The following TMCC1 variants were observed in gnomAD, a reference collection of about 807,000 sequenced individuals.
TMCC1 encodes transmembrane and coiled-coil domains protein 1.
A neutral mutation model predicts 52.4 loss-of-function variants in TMCC1; 15 were observed. The ratio of observed to expected loss-of-function variants is 0.29; its 90% confidence interval spans 0.19 to 0.44. The LOEUF (loss-of-function observed/expected upper bound fraction) is 0.44. Among genes scored for constraint, TMCC1 ranks in the 20% least tolerant of loss-of-function variants. TMCC1 has a pLI of 1.00. For synonymous variants in TMCC1, 279 were observed against 301.9 expected (o/e 0.92, Z 0.79); for missense variants, 503 against 806.0 (o/e 0.62, Z 4.55).
chr3:129,658,934 A>T (rs2086842223), intron 5 of TMCC1, among the ~76,000 whole-genome samples: 1 of 152,052 alleles, frequency 6.6e-6, no homozygotes, highest in African/African-American at 2.4e-5. Context: ...AGAAAATGAG[A>T]CCCTGCTACC....
At chr3:129,670,284 G>A (rs2087811796) in intron 5 of TMCC1, 46 bp downstream of exon 5, 10 of 1,564,970 alleles carry the variant, frequency 6.4e-6, no homozygotes, top group African/African-American at 1.4e-5. Flanking sequence ...TAAAGGGAGG[G>A]GAACCCTACA....
chr3:129,712,908 G>A (rs2048809711), intron 4 of TMCC1, among the ~76,000 whole-genome samples: 1 of 152,108 alleles, frequency 6.6e-6, no homozygotes, highest in Admixed American at 6.6e-5. Flanking sequence ...ATCTAATTGT[G>A]TAGGACTGAA....
intron 4 of TMCC1, among the ~76,000 whole-genome samples, chr3:129,758,378 T>G (rs1407442987): frequency 6.6e-6 from 1 of 152,216 alleles, no homozygotes; most frequent in African/African-American, 2.4e-5. Context: ...TAATTACAGA[T>G]GTGCGCATAT....
At chr3:129,787,864 C>T (rs2056150783) in intron 4 of TMCC1, among the ~76,000 whole-genome samples, 1 of 152,088 alleles carries the variant, frequency 6.6e-6, no homozygotes, top group Non-Finnish European at 1.5e-5. Flanking sequence ...AGCTACTAAA[C>T]TTTAAGAAAA....
rs1364211850 is a variant in TMCC1, at chr3:129,827,652, A to AT, written c.576+150dup. The AT allele has an allele frequency of 1.5e-5, 12 of 806,490 alleles. No individual in the cohort carries two copies. In the Admixed American group the frequency reaches 2.9e-4, roughly 20 times the overall value. The allele number at this position is 806,490 out of a possible 1,614,324, so 50.0% of individuals were successfully genotyped here. On this transcript the variant is annotated intron_variant, in intron 4 of 6. Coordinates refer to ENST00000393238, the MANE Select transcript of TMCC1 (RefSeq NM_001017395.5). ...AAGCATTCATTCATTAGCTATAATT[A>AT]TTATTTACCCATTTGAAAAGGGGAA...
rs1365070413 is a variant in TMCC1 at position 129,651,352 on chromosome 3, T to C, written c.*129A>G. 3 of 1,067,044 alleles carry C rather than the reference T, an allele frequency of 2.8e-6. No homozygotes were observed. Among genetic ancestry groups the C allele is most frequent in the East Asian group, 2.4e-5 (1 of 41,648 alleles). 66.1% of individuals were successfully genotyped at this position (1,067,044 alleles called of 1,614,324 possible). The stretch of plus-strand genomic sequence containing the variant: ...GCGTCTCTTGAAGAAAAAAACATTA[T>C]TCTAAATGTAAACAGATTCACTCAA... On this transcript the variant is annotated 3_prime_UTR_variant, in exon 7 of 7. Coordinates refer to ENST00000393238, the MANE Select transcript of TMCC1 (RefSeq NM_001017395.5). This position sits in a 1 kb window ranked among gnomAD's most constrained non-coding sequence, Gnocchi z 5.1.
intron 2 of TMCC1, among the ~76,000 whole-genome samples, chr3:129,842,475 AAAAC>A (rs1303107871): frequency 7.8e-6 from 1 of 128,866 alleles, no homozygotes; most frequent in African/African-American, 3.9e-5. Context: ...AAAAAAAAAC[AAAAC>A]ACACACACAC....
intron 4 of TMCC1, among the ~76,000 whole-genome samples, chr3:129,731,796 A>AT (rs915601478): frequency 1.3e-4 from 20 of 151,236 alleles, no homozygotes; most frequent in East Asian, 3.9e-4. Flanking sequence ...AGTTTTTCGT[A>AT]TTTTTTTTGG....
rs1251874384 is a variant in TMCC1, at chr3:129,827,970, T to C, written c.409A>G (p.Ile137Val). The C allele has an allele frequency of 6.2e-7, 1 of 1,614,122 alleles. No individual in the cohort carries two copies. The highest frequency in any genetic ancestry group is 8.5e-7 in the Non-Finnish European group (1 of 1,179,996). The change falls in exon 4 of 7, where the codon ATC (isoleucine) becomes GTC (valine). Residue 137 changes from isoleucine to valine, a missense_variant. By Grantham distance (29) the Ile-to-Val change is conservative (BLOSUM62 3). This residue lies in a region of TMCC1 where 217 missense variants were observed against 297.9 expected (regional missense o/e 0.73). Coordinates refer to ENST00000393238, the MANE Select transcript of TMCC1 (RefSeq NM_001017395.5). ...KPEAPKGSPQINRKSGQEMTA... is the reference protein window; with the variant it reads ...KPEAPKGSPQVNRKSGQEMTA... ...ATCTCCTGACCAGACTTCCTGTTGA[T>C]TTGGGGACTTCCCTTTGGGGCCTCT...
intron 2 of TMCC1, among the ~76,000 whole-genome samples, chr3:129,850,904 G>A (rs568732931): frequency 9.2e-5 from 14 of 152,332 alleles, no homozygotes; most frequent in South Asian, 2.1e-4. Context: ...GACACAGATC[G>A]CTCATGCTAT....
intron 4 of TMCC1, among the ~76,000 whole-genome samples, chr3:129,746,220 G>C (rs1274628612): frequency 6.6e-6 from 1 of 151,968 alleles, no homozygotes; most frequent in African/African-American, 2.4e-5. Context: ...GCCCAGGCTG[G>C]AGTGCAGTGG....
chr3:129,883,504 T>C (rs1252519386), intron 1 of TMCC1, among the ~76,000 whole-genome samples: 1 of 151,936 alleles, frequency 6.6e-6, no homozygotes. Context: ...GTCCCAGCTA[T>C]TCAGGAGGCT....
intron 4 of TMCC1, among the ~76,000 whole-genome samples, chr3:129,801,840 T>C (rs562651291): frequency 1.3e-5 from 2 of 152,350 alleles, no homozygotes; most frequent in South Asian, 2.1e-4. Context: ...GTAAGATCAG[T>C]CCACTTCATG....
At chr3:129,813,439 A>C (rs2057931609) in intron 4 of TMCC1, among the ~76,000 whole-genome samples, 1 of 152,232 alleles carries the variant, frequency 6.6e-6, no homozygotes, top group African/African-American at 2.4e-5. Context: ...CTGGATAAAG[A>C]AAATGTGGTA....
At chr3:129,667,220 T>TAAAAA (rs1202933776) in intron 5 of TMCC1, among the ~76,000 whole-genome samples, 2 of 85,804 alleles carry the variant, frequency 2.3e-5, no homozygotes, top group African/African-American at 4.5e-5. Context: ...CCCTGACTCT[T>TAAAAA]AAAAAAAAAA....
intron 4 of TMCC1, among the ~76,000 whole-genome samples, chr3:129,806,310 T>C (rs926916135): frequency 2.0e-5 from 3 of 152,186 alleles, no homozygotes; most frequent in Non-Finnish European, 4.4e-5. Flanking sequence ...AATAAAATTA[T>C]GAAAGATGAA....
chr3:129,836,058 G>A (rs1018007365), intron 2 of TMCC1, among the ~76,000 whole-genome samples: 13 of 152,082 alleles, frequency 8.5e-5, no homozygotes, highest in Non-Finnish European at 1.3e-4. Context: ...CTAACAAACT[G>A]AAACACAGCT....
intron 4 of TMCC1, among the ~76,000 whole-genome samples, chr3:129,800,795 G>A (rs1404152222): frequency 6.6e-6 from 1 of 151,948 alleles, no homozygotes; most frequent in African/African-American, 2.4e-5. Context: ...TATTTATTAT[G>A]TGCCTACTAA....
At chr3:129,657,039 CAG>C (rs1203318591) in intron 5 of TMCC1, among the ~76,000 whole-genome samples, 1 of 152,114 alleles carries the variant, frequency 6.6e-6, no homozygotes, top group African/African-American at 2.4e-5. Context: ...AGAGAGGGGC[CAG>C]AGACTTTTTT....
Sources: gnomAD v4.1 joint callset for allele counts (sites outside exome capture counted in the v4.1 genomes callset) on GRCh38, gnomAD v4.1.1 for gene constraint, gnomAD v4.1.1 regional missense constraint, Gnocchi (gnomAD v3.1) non-coding constraint, MANE v1.5 for transcripts, NCBI Gene and HGNC (gene_info 2026-07-23, HGNC 2026-07-21) for gene names.